KRT36: variants seen among roughly 807,000 people sequenced by gnomAD.
KRT36 encodes keratin, type I cuticular Ha6.
KRT36 carries 41 observed loss-of-function variants against 43.0 expected under a neutral mutation model. The observed-to-expected ratio is 0.95, with a 90% CI of 0.74 to 1.24. The LOEUF is 1.24. Among genes scored for constraint, KRT36 ranks in the 50% most tolerant of loss-of-function variants. The probability of loss-of-function intolerance (pLI) is 0.00; values close to 1 mark genes in which losing one functional copy is unlikely to be tolerated. For missense variants in KRT36, 627 were observed against 595.3 expected (o/e 1.05, Z -0.55); for synonymous variants, 277 against 252.9 (o/e 1.10, Z -0.90).
At chr17:41,489,208 C>T (rs574312008) in intron 1 of KRT36, among the ~76,000 whole-genome samples, 198 bp downstream of exon 1, 42 of 152,174 alleles carry the variant, frequency 2.8e-4, no homozygotes, top group South Asian at 8.3e-4. Flanking sequence ...GGGTGAGGAA[C>T]GGCTGGCAAC....
In KRT36 at chr17:41,489,610, G is replaced by A. The variant is rs148555788; in HGVS notation, c.255C>T (p.Cys85=). 6.1e-5 allele frequency: 98 copies of A among 1,614,144 alleles called. No homozygotes were observed. Among genetic ancestry groups the A allele is most frequent in the East Asian group, 8.9e-5 (4 of 44,884 alleles). Residue 85 remains cysteine (C), a synonymous_variant, in exon 1 of 7, where the codon TGC becomes TGT. Transcript: ENST00000328119. ...SGFVGSGGWF[C]EGSFNGSEKE... is the part of the protein sequence containing the mutation. ...TCTCGCTGCCGTTGAAGGAGCCCTC[G>A]CAGAACCAGCCCCCGCTCCCCACAA...
chr17:41,488,304 A>G lies in KRT36; in HGVS notation c.638T>C (p.Leu213Pro). Reference sequence around the variant, plus strand: ...CTTCAGGGACTCCACCTGAGCCTCCAGGTCAGCCTTGCACAGGGTCAGCTC... The same window carrying G: ...CTTCAGGGACTCCACCTGAGCCTCCGGGTCAGCCTTGCACAGGGTCAGCTC... The part of the protein sequence containing the change: ...LDELTLCKAD[L>P]EAQVESLKEE... Residue 213 changes from leucine to proline, a missense_variant, in exon 3 of 7, where the codon CTG becomes CCG. Transcript: ENST00000328119. 1 of 1,614,186 alleles carries G rather than the reference A, an allele frequency of 6.2e-7. No homozygotes were observed. Among genetic ancestry groups the G allele is most frequent in the South Asian group, 1.1e-5 (1 of 91,090 alleles).
chr17:41,487,732 G>A lies in KRT36; in HGVS notation c.705C>T (p.Val235=), dbSNP rs1389674068. ...CCCCAAGTTGGCAACGGAGTACACT[G>A]ACTTCCTGCAGAGAGGAGGCAAGAC... is the stretch of plus-strand genomic sequence containing the variant. The part of the protein sequence containing the change: ...MCLKKNHEEE[V]SVLRCQLGDR... Residue 235 remains valine, a synonymous_variant, in exon 4 of 7, where the codon GTC becomes GTT. Transcript: ENST00000328119. The A allele has an allele frequency of 1.2e-6, 2 of 1,610,020 alleles. No homozygotes were observed. Among genetic ancestry groups the A allele is most frequent in the Non-Finnish European group, 1.7e-6 (2 of 1,177,102 alleles).
Position 41,486,370 on chromosome 17 carries a change from G to A in KRT36, c.*6C>T, listed in dbSNP as rs1372161493. ...AGGGCCCTGCCCTGGTGGACCAAGT[G>A]GGCTGTCACAGCGGGCGGGACTGCA... On this transcript the variant is annotated 3_prime_UTR_variant, in exon 7 of 7. Transcript: ENST00000328119. The A allele has an allele frequency of 1.2e-6, 2 of 1,612,852 alleles. No homozygotes were observed. Among genetic ancestry groups the A allele is most frequent in the Non-Finnish European group, 1.7e-6 (2 of 1,179,480 alleles).
rs751470845 is a variant in KRT36, at chr17:41,489,857, G to T, written c.8C>A (p.Thr3Asn). 1.2e-6 allele frequency: 2 copies of T among 1,611,434 alleles called. No individual in the cohort carries two copies. Among genetic ancestry groups the T allele is most frequent in the Non-Finnish European group, 1.7e-6 (2 of 1,178,534 alleles). Residue 3 changes from threonine to asparagine, a missense_variant, in exon 1 of 7, where the codon ACC becomes AAC. Thr to Asn is a moderately conservative substitution (Grantham distance 65). Coordinates refer to ENST00000328119, the MANE Select transcript of KRT36 (RefSeq NM_003771.5). The part of the protein sequence containing the change: MA[T>N]QTCTPTFSTG... ...GGAGAAGGTAGGGGTGCAGGTCTGG[G>T]TGGCCATGGTGCTAGCAGAGGAAGG...
chr17:41,489,486 C>T lies in KRT36; in HGVS notation c.379G>A (p.Glu127Lys). The change falls in exon 1 of 7, where the codon GAG becomes AAG. Residue 127 changes from glutamate (E) to lysine (K), a missense_variant. Transcript: ENST00000328119. The stretch of plus-strand genomic sequence containing the variant: ...TATGGGATCTGAAACTCGTACCACT[C>T]CTGGATGCGGCTCTCCAGCTCCGCG... ...ENAELESRIQ[E>K]WYEFQIPYIC... 1 of 1,614,236 alleles carries T rather than the reference C, an allele frequency of 6.2e-7. No homozygotes were observed. Among genetic ancestry groups the T allele is most frequent in the Non-Finnish European group, 8.5e-7 (1 of 1,180,046 alleles).
At chr17:41,489,384 A>C in intron 1 of KRT36, 22 bp downstream of exon 1, 1 of 1,607,726 alleles carries the variant, frequency 6.2e-7, no homozygotes, top group Non-Finnish European at 8.5e-7. Flanking sequence ...GCTCAGCTGG[A>C]AAGGGGCCAG....
intron 1 of KRT36, 70 bp from the exon 2 acceptor site, chr17:41,488,794 C>G (rs1291505532): frequency 7.0e-6 from 9 of 1,294,386 alleles, no homozygotes; most frequent in Admixed American, 6.7e-5. Flanking sequence ...GGGGATAGCT[C>G]AGCTCACAGA....
Position 41,487,149 on chromosome 17 carries a change from G to T in KRT36, c.1009C>A (p.Leu337Met). 1 of 1,613,620 alleles carries T rather than the reference G, an allele frequency of 6.2e-7. No homozygotes were observed. The highest frequency in any genetic ancestry group is 1.7e-4 in the Middle Eastern group (1 of 6,056). ...HSMRNSLEST[L>M]AETEARYSSQ... ...CTGTAGCGGGCCTCGGTTTCGGCCA[G>T]GGTGGATTCCAAGGAATTCCGCTGC... Residue 337 changes from leucine (L) to methionine (M), a missense_variant, in exon 6 of 7, where the codon CTG becomes ATG. By Grantham distance (15) the Leu-to-Met change is conservative. Coordinates refer to ENST00000328119, the MANE Select transcript of KRT36 (RefSeq NM_003771.5).
At position 41,487,624 on chromosome 17, in the gene KRT36, G is replaced by A. The variant is rs770945678; in HGVS notation, c.813C>T (p.Ala271=). Residue 271 remains alanine, a synonymous_variant, in exon 4 of 7, where the codon GCC becomes GCT. Transcript: ENST00000328119. ...CATCTCTGCGGTTATTCTCCACCAG[G>A]GCCTCGTACTGGCATCTCATATCCT... is the stretch of plus-strand genomic sequence containing the variant. The part of the protein sequence containing the change: ...ILEDMRCQYE[A]LVENNRRDVE... 17 of 1,614,128 alleles carry A rather than the reference G, an allele frequency of 1.1e-5. No homozygotes were observed. In the East Asian group the frequency reaches 3.8e-4, roughly 36 times the overall value.
At chr17:41,488,817 G>A in intron 1 of KRT36, 93 bp from the exon 2 acceptor site, 1 of 1,035,514 alleles carries the variant, frequency 9.7e-7, no homozygotes, top group South Asian at 1.3e-5. Flanking sequence ...CCATGCCACT[G>A]TGTACCACCA....
Position 41,489,882 on chromosome 17 carries a change from G to A in KRT36, c.-18C>T. On this transcript the variant is annotated 5_prime_UTR_variant, in exon 1 of 7. Coordinates refer to ENST00000328119, the MANE Select transcript of KRT36 (RefSeq NM_003771.5). ...GTGGCCATGGTGCTAGCAGAGGAAG[G>A]TTGCAGCTTAGCAAGGAGCTCAGGT... The A allele has an allele frequency of 6.2e-7, 1 of 1,601,234 alleles. No individual in the cohort carries two copies. Among genetic ancestry groups the A allele is most frequent in the Non-Finnish European group, 8.5e-7 (1 of 1,170,778 alleles).
chr17:41,489,410 TG>T lies in KRT36; in HGVS notation c.454del (p.Gln152ArgfsTer5), dbSNP rs543374682. The T allele has an allele frequency of 1.4e-3, 2,204 of 1,612,918 alleles. 5 individuals carry two copies. Among genetic ancestry groups the T allele is most frequent in the Non-Finnish European group, 1.6e-3 (1,881 of 1,178,848 alleles). On this transcript the variant is annotated frameshift_variant, in exon 1 of 7. Transcript: ENST00000328119. LOFTEE classifies it high-confidence loss of function. ...AAGGGGCCAGGTCTCCCTCACCTTCTGCTGGAAATCTTCGATGGTCTTGAAG... is the reference window on the plus strand; with the variant it reads ...AAGGGGCCAGGTCTCCCTCACCTTCTCTGGAAATCTTCGATGGTCTTGAAG... ...SYFKTIEDFQ[Q>X]KILLTKSENA...
chr17:41,486,914 T>TCA, intron 6 of KRT36, 36 bp downstream of exon 6: 1 of 1,580,668 alleles, frequency 6.3e-7, no homozygotes, highest in South Asian at 1.1e-5. Flanking sequence ...CACTGAGGGT[T>TCA]CAGTCAAGCC....
chr17:41,486,324 G>T lies in KRT36; in HGVS notation c.*52C>A. 1 of 1,512,810 alleles carries T rather than the reference G, an allele frequency of 6.6e-7. No homozygotes were observed. The highest frequency in any genetic ancestry group is 9.1e-7 in the Non-Finnish European group (1 of 1,095,258). The allele number at this position is 1,512,810 out of a possible 1,614,324, so 93.7% of individuals were successfully genotyped here. On this transcript the variant is annotated 3_prime_UTR_variant, in exon 7 of 7. Transcript: ENST00000328119. ...TCGTTAAGCCTCCAGGAGCCACAGG[G>T]GTGTCCTCCTTCCTGTGGTCAGGGC...
rs370425942 is a variant in KRT36 at position 41,488,248 on chromosome 17, C to G, written c.694G>C (p.Glu232Gln). 6.8e-6 allele frequency: 11 copies of G among 1,613,524 alleles called. No homozygotes were observed. The highest frequency in any genetic ancestry group is 1.7e-5 in the Admixed American group (1 of 59,974). ...EELMCLKKNH[E>Q]EEVSVLRCQL... ...TCACATGGCACCAGCCTCACCTCCT[C>G]GTGATTCTTCTTGAGGCACATCAGC... Residue 232 changes from glutamate to glutamine, a missense_variant, in exon 3 of 7, where the codon GAG (glutamate) becomes CAG (glutamine). Transcript: ENST00000328119.
rs1359980024 is a variant in KRT36, at chr17:41,489,886, C to A, written c.-22G>T. 2 of 1,596,048 alleles carry A rather than the reference C, an allele frequency of 1.3e-6. No homozygotes were observed. Among genetic ancestry groups the A allele is most frequent in the Admixed American group, 1.7e-5 (1 of 59,374 alleles). On this transcript the variant is annotated 5_prime_UTR_variant, in exon 1 of 7. Transcript: ENST00000328119. ...CCATGGTGCTAGCAGAGGAAGGTTG[C>A]AGCTTAGCAAGGAGCTCAGGTTCTG...
At chr17:41,488,882 A>T (rs1277167838) in intron 1 of KRT36, among the ~76,000 whole-genome samples, 158 bp from the exon 2 acceptor site, 2 of 151,930 alleles carry the variant, frequency 1.3e-5, no homozygotes, top group Non-Finnish European at 2.9e-5. Flanking sequence ...GGGAGCATCC[A>T]CCCCACAGGG....
chr17:41,487,711 A>T lies in KRT36; in HGVS notation c.726T>A (p.Leu242=). 6.2e-7 allele frequency: 1 copy of T among 1,613,702 alleles called. No homozygotes were observed. Among genetic ancestry groups the T allele is most frequent in the Non-Finnish European group, 8.5e-7 (1 of 1,179,654 alleles). ...EEEVSVLRCQ[L]GDRLNVEVDA... is the part of the protein sequence containing the mutation. ...CCACCTCCACATTCAGTCGGTCCCC[A>T]AGTTGGCAACGGAGTACACTGACTT... Residue 242 remains leucine, a synonymous_variant, in exon 4 of 7, where the codon CTT becomes CTA. Transcript: ENST00000328119.
Sources: gnomAD v4.1 joint callset for allele counts (sites outside exome capture counted in the v4.1 genomes callset) on GRCh38, gnomAD v4.1.1 for gene constraint, MANE v1.5 for transcripts, NCBI Gene and HGNC (gene_info 2026-07-23, HGNC 2026-07-21) for gene names.